The following TMEM154 variants were observed in gnomAD, a reference collection of about 807,000 sequenced individuals.
The protein encoded by TMEM154 is transmembrane protein 154.
A neutral mutation model predicts 24.5 loss-of-function variants in TMEM154; 27 were observed. That is an observed-to-expected ratio of 1.10 (90% confidence interval 0.81 to 1.52). The LOEUF is 1.52. Ranked by LOEUF, TMEM154 falls within the 40% of genes most tolerant of loss-of-function variation. The probability of loss-of-function intolerance (pLI) is 0.00; values close to 1 mark genes in which losing one functional copy is unlikely to be tolerated. For synonymous variants in TMEM154, 67 were observed against 76.8 expected, an observed-to-expected ratio of 0.87 and a Z score of 0.67; for missense variants, 228 against 213.4, an observed-to-expected ratio of 1.07 and a Z score of -0.43.
At position 152,628,531 on chromosome 4, in the gene TMEM154, G is replaced by C; in HGVS notation, c.*15C>G. The C allele has an allele frequency of 9.2e-7, 1 of 1,085,320 alleles. No individual in the cohort carries two copies. Among genetic ancestry groups the C allele is most frequent in the Non-Finnish European group, 1.3e-6 (1 of 798,282 alleles). 67.2% of individuals were successfully genotyped at this position (1,085,320 alleles called of 1,614,324 possible). On this transcript the variant is annotated 3_prime_UTR_variant, in exon 7 of 7. Transcript: ENST00000304385. ...AGGGGCTGCTTCTCTTGGAAAACAT[G>C]AGCGCCATTCAGGTTTAGGATTCAC...
chr4:152,623,218 A>G lies in TMEM154; in HGVS notation c.*5328T>C, dbSNP rs576351746. 4.6e-5 allele frequency: 7 copies of G among 152,270 alleles called. No homozygotes were observed. The East Asian group carries it at 1.3e-3, about 29-fold the overall frequency. 9.4% of individuals were successfully genotyped at this position (152,270 alleles called of 1,614,324 possible). On this transcript the variant is annotated 3_prime_UTR_variant, in exon 7 of 7. Coordinates refer to ENST00000304385, the MANE Select transcript of TMEM154 (RefSeq NM_152680.3). Reference sequence around the variant, plus strand: ...GGCAAATATGACATCAGATGATCTAACTGACCTTCTCAGCAGATACTCTGC... The same window carrying G: ...GGCAAATATGACATCAGATGATCTAGCTGACCTTCTCAGCAGATACTCTGC...
In TMEM154 at chr4:152,671,500, C is replaced by A. The variant is rs111485463; in HGVS notation, c.64+8370G>T. ...CGGTGGCTCACGCCTGTAATCCCAG[C>A]ACTTTGGGAGGCCGAGGCGGGCAGA... is the stretch of plus-strand genomic sequence containing the variant. On this transcript the variant is annotated intron_variant, in intron 1 of 6. Transcript: ENST00000304385. Among the ~76,000 whole-genome samples the A allele has an allele frequency of 5.0e-3, 759 of 151,978 alleles. 5 individuals are homozygous for A. Among genetic ancestry groups the A allele is most frequent in the African/African-American group, 0.017 (695 of 41,464 alleles).
rs1478913202 is a variant in TMEM154, at chr4:152,652,867, T to G, written c.125A>C (p.Lys42Thr). 5.0e-6 allele frequency: 8 copies of G among 1,613,902 alleles called. No individual in the cohort carries two copies. The highest frequency in any genetic ancestry group is 5.9e-6 in the Non-Finnish European group (7 of 1,179,902). Residue 42 changes from lysine (K) to threonine (T), a missense_variant, in exon 2 of 7, where the codon AAA becomes ACA. Coordinates refer to ENST00000304385, the MANE Select transcript of TMEM154 (RefSeq NM_152680.3). ...DTTVESERPN[K>T]VTIPSTFAAV... Reference sequence around the variant, plus strand: ...AGCAAATGTGCTTGGAATAGTCACTTTATTTGGTCTTTCAGATTCCACAGT... The same window carrying G: ...AGCAAATGTGCTTGGAATAGTCACTGTATTTGGTCTTTCAGATTCCACAGT...
chr4:152,659,246 T>A (rs1728549719), intron 1 of TMEM154, among the ~76,000 whole-genome samples: 1 of 152,178 alleles, frequency 6.6e-6, no homozygotes, highest in Non-Finnish European at 1.5e-5. Context: ...TTATTTTAAG[T>A]AAAATAAGAC....
chr4:152,671,733 C>A (rs1407601085), intron 1 of TMEM154, among the ~76,000 whole-genome samples: 2 of 90,244 alleles, frequency 2.2e-5, no homozygotes, highest in African/African-American at 9.4e-5. Flanking sequence ...GGCGACAGAG[C>A]GAGACTCCGT....
chr4:152,679,947 G>T lies in TMEM154; in HGVS notation c.-14C>A. On this transcript the variant is annotated 5_prime_UTR_variant, in exon 1 of 7. Coordinates refer to ENST00000304385, the MANE Select transcript of TMEM154 (RefSeq NM_152680.3). ...GGGAGCCTGCATGTCCGCTCGCCTC[G>T]GCAGAGGCGCGCTCAGGATGCTGCG... 1.2e-6 allele frequency: 2 copies of T among 1,602,788 alleles called. No homozygotes were observed. The highest frequency in any genetic ancestry group is 1.7e-6 in the Non-Finnish European group (2 of 1,174,668).
Position 152,651,040 on chromosome 4 carries a change from C to T in TMEM154, c.364+1498G>A, listed in dbSNP as rs145442530. Among the ~76,000 whole-genome samples the T allele has an allele frequency of 3.3e-5, 5 of 152,328 alleles. No homozygotes were observed. In the East Asian group the frequency reaches 7.7e-4, roughly 23 times the overall value. On this transcript the variant is annotated intron_variant, in intron 3 of 6. Transcript: ENST00000304385. ...GTAGATTTAGCATAATTCTTAAGAG[C>T]TGTCAGATTTTCAGAATGGTAAACA...
intron 1 of TMEM154, among the ~76,000 whole-genome samples, chr4:152,663,945 C>T (rs1728666741): frequency 6.6e-6 from 1 of 152,190 alleles, no homozygotes; most frequent in Admixed American, 6.5e-5. Flanking sequence ...GCCTGGCAGC[C>T]CCAACAGCTG....
At chr4:152,642,233 C>T (rs990529902) in intron 5 of TMEM154, among the ~76,000 whole-genome samples, 45 of 152,092 alleles carry the variant, frequency 3.0e-4, no homozygotes, top group African/African-American at 1.1e-3. Flanking sequence ...AGTAATAGTT[C>T]TTATAACCAG....
chr4:152,643,795 A>G (rs1358447666), intron 4 of TMEM154, among the ~76,000 whole-genome samples: 1 of 152,194 alleles, frequency 6.6e-6, no homozygotes, highest in Non-Finnish European at 1.5e-5. Flanking sequence ...TAGGCGGTAC[A>G]CTGCGTAGAG....
At chr4:152,659,493 T>G (rs922429309) in intron 1 of TMEM154, among the ~76,000 whole-genome samples, 3 of 152,216 alleles carry the variant, frequency 2.0e-5, no homozygotes, top group African/African-American at 7.2e-5. Flanking sequence ...ATTTTATATT[T>G]CAAAGTAGCT....
intron 6 of TMEM154, among the ~76,000 whole-genome samples, chr4:152,637,749 A>T (rs1187160846): frequency 1.3e-5 from 2 of 152,204 alleles, no homozygotes; most frequent in Non-Finnish European, 2.9e-5. Flanking sequence ...TTCTAAGTCC[A>T]ATGACCCACA....
chr4:152,631,154 G>A (rs747742242), intron 6 of TMEM154, among the ~76,000 whole-genome samples: 1 of 152,028 alleles, frequency 6.6e-6, no homozygotes, highest in Non-Finnish European at 1.5e-5. Context: ...AGCTTTAATG[G>A]CCCATTGTCA....
rs1752288117 is a variant in TMEM154 at position 152,643,125 on chromosome 4, T to G, written c.441A>C (p.Glu147Asp). The change falls in exon 5 of 7, where the codon GAA (glutamate) becomes GAC (aspartate). Residue 147 changes from glutamate to aspartate, a missense_variant. Transcript: ENST00000304385. ...TGCTGTTCATCCATTTATCAAGCTC[T>G]TCCATTTCAATTTCCATAACAGAGG... ...DTPSVMEIEM[E>D]ELDKWMNSMN... 6.2e-7 allele frequency: 1 copy of G among 1,613,374 alleles called. No individual in the cohort carries two copies. Among genetic ancestry groups the G allele is most frequent in the African/African-American group, 1.3e-5 (1 of 74,916 alleles).
chr4:152,630,405 A>G (rs571114427), intron 6 of TMEM154, among the ~76,000 whole-genome samples: 1 of 152,104 alleles, frequency 6.6e-6, no homozygotes, highest in Non-Finnish European at 1.5e-5. Flanking sequence ...AAGAGTAGAT[A>G]TGACAACCCC....
At chr4:152,678,383 AG>A (rs1347367480) in intron 1 of TMEM154, among the ~76,000 whole-genome samples, 1 of 152,120 alleles carries the variant, frequency 6.6e-6, no homozygotes, top group African/African-American at 2.4e-5. Context: ...AAGATGAATT[AG>A]TATTAAGGGA....
chr4:152,628,600 A>AAAAAACAC, intron 6 of TMEM154, 39 bp from the exon 7 acceptor site: 4 of 989,212 alleles, frequency 4.0e-6, no homozygotes, highest in South Asian at 1.6e-5. Flanking sequence ...AAACAAAAAA[A>AAAAAACAC]ACACACACAC....
intron 5 of TMEM154, 79 bp from the exon 6 acceptor site, chr4:152,641,064 C>A: frequency 7.3e-7 from 1 of 1,375,800 alleles, no homozygotes; most frequent in South Asian, 1.3e-5. Context: ...CAGTTAAATA[C>A]CATAGTTCTC....
intron 5 of TMEM154, chr4:152,641,310 A>C (rs1427775332): frequency 1.6e-5 from 4 of 250,476 alleles, no homozygotes; most frequent in African/African-American, 6.8e-5. Context: ...ACAGTGGAAT[A>C]AGATGGCTTC....
Sources: gnomAD v4.1 joint callset for allele counts (sites outside exome capture counted in the v4.1 genomes callset) on GRCh38, gnomAD v4.1.1 for gene constraint, MANE v1.5 for transcripts, NCBI Gene and HGNC (gene_info 2026-07-23, HGNC 2026-07-21) for gene names.